Variants in NRG3 observed in about 807,000 individuals in gnomAD.
The protein encoded by NRG3 is neuregulin 3.
Under a neutral mutation model 66.9 loss-of-function variants are expected in NRG3, and 31 were observed. That is an observed-to-expected ratio of 0.46 (90% confidence interval 0.35 to 0.63). NRG3 has a LOEUF of 0.63. NRG3 is among the 20% of genes least tolerant of loss of function. The pLI is 0.00. For missense variants in NRG3, 910 were observed against 878.9 expected (o/e 1.04, Z -0.45); for synonymous variants, 393 against 359.4 (o/e 1.09, Z -1.06).
chr10:82,409,212 T>C (rs1229480542), intron 2 of NRG3, among the ~76,000 whole-genome samples: 1 of 152,190 alleles, frequency 6.6e-6, no homozygotes, highest in African/African-American at 2.4e-5. Flanking sequence ...CATTTCTGAA[T>C]TAGATAAGTC....
chr10:82,144,253 C>A (rs140294759), intron 1 of NRG3, among the ~76,000 whole-genome samples: 1 of 152,142 alleles, frequency 6.6e-6, no homozygotes, highest in Non-Finnish European at 1.5e-5. Context: ...GTATGTGAAA[C>A]AAGCATTCAT....
intron 2 of NRG3, among the ~76,000 whole-genome samples, chr10:82,701,694 A>G (rs1188122920): frequency 1.3e-5 from 2 of 152,112 alleles, no homozygotes; most frequent in East Asian, 1.9e-4. Flanking sequence ...CGTTAATGTT[A>G]TTTCTTTACA....
intron 3 of NRG3, among the ~76,000 whole-genome samples, chr10:82,762,176 T>C (rs985380753): frequency 6.6e-5 from 10 of 151,664 alleles, no homozygotes; most frequent in African/African-American, 1.9e-4. Context: ...TTTGCAGATA[T>C]GGGTTTTCAC....
chr10:81,900,178 A>G (rs1372323306), intron 1 of NRG3, among the ~76,000 whole-genome samples: 3 of 151,922 alleles, frequency 2.0e-5, no homozygotes, highest in African/African-American at 7.3e-5. Context: ...CCAACACCTG[A>G]CCTCAGGTGA....
At chr10:82,117,176 A>ATGT (rs2067779246) in intron 1 of NRG3, among the ~76,000 whole-genome samples, 1 of 152,130 alleles carries the variant, frequency 6.6e-6, no homozygotes, top group Non-Finnish European at 1.5e-5. Flanking sequence ...CCCCAGGCGG[A>ATGT]AATAGTTCCT....
intron 3 of NRG3, among the ~76,000 whole-genome samples, chr10:82,794,813 C>T (rs1242823284): frequency 2.6e-5 from 4 of 152,144 alleles, no homozygotes; most frequent in Non-Finnish European, 4.4e-5. Flanking sequence ...CATCGATCTA[C>T]ACTCTAACTC....
intron 2 of NRG3, among the ~76,000 whole-genome samples, chr10:82,532,008 TA>T (rs1280347402): frequency 1.3e-5 from 2 of 151,872 alleles, no homozygotes; most frequent in Non-Finnish European, 3.0e-5. Context: ...ATTCTTTTTT[TA>T]TGAATATATA....
At chr10:82,221,443 G>A (rs1044594554) in intron 1 of NRG3, among the ~76,000 whole-genome samples, 2 of 152,084 alleles carry the variant, frequency 1.3e-5, no homozygotes, top group African/African-American at 4.8e-5. Flanking sequence ...TGATCCTAGT[G>A]CCCAACTGGC....
At chr10:82,359,230 A>G (rs2083969372) in intron 2 of NRG3, among the ~76,000 whole-genome samples, 1 of 152,220 alleles carries the variant, frequency 6.6e-6, no homozygotes, top group African/African-American at 2.4e-5. Flanking sequence ...TTGAGAACCT[A>G]CAGACTGTGG....
At chr10:81,939,063 A>G (rs1021147771) in intron 1 of NRG3, among the ~76,000 whole-genome samples, 1 of 151,892 alleles carries the variant, frequency 6.6e-6, no homozygotes, top group Non-Finnish European at 1.5e-5. Context: ...TATCCCATTG[A>G]TTGATTTTTC....
chr10:82,776,605 T>C (rs1247443974), intron 3 of NRG3, among the ~76,000 whole-genome samples: 1 of 152,106 alleles, frequency 6.6e-6, no homozygotes, highest in African/African-American at 2.4e-5. Flanking sequence ...CCATAGACTT[T>C]CTTTTTCTTC....
At chr10:82,886,925 G>T (rs1371110967) in intron 4 of NRG3, among the ~76,000 whole-genome samples, 2 of 152,174 alleles carry the variant, frequency 1.3e-5, no homozygotes, top group Non-Finnish European at 2.9e-5. Context: ...CTTCAATGAG[G>T]ATTCCATACA....
chr10:82,498,848 C>T (rs923120649), intron 2 of NRG3, among the ~76,000 whole-genome samples: 6 of 151,940 alleles, frequency 3.9e-5, no homozygotes, highest in Non-Finnish European at 1.5e-5. Context: ...GAATTTTTTT[C>T]GGTAAAATCC....
chr10:82,692,477 G>A (rs2055014653), intron 2 of NRG3, among the ~76,000 whole-genome samples: 1 of 152,170 alleles, frequency 6.6e-6, no homozygotes, highest in African/African-American at 2.4e-5. Context: ...AATTAGGCAT[G>A]CAGACACATT....
intron 2 of NRG3, among the ~76,000 whole-genome samples, chr10:82,512,559 C>T (rs969351276): frequency 6.6e-6 from 1 of 152,128 alleles, no homozygotes; most frequent in East Asian, 1.9e-4. Flanking sequence ...TGGGCCACCG[C>T]GCCCTGCCAT....
intron 1 of NRG3, among the ~76,000 whole-genome samples, chr10:82,031,424 G>A (rs778329188): frequency 2.5e-4 from 38 of 152,174 alleles, no homozygotes; most frequent in Non-Finnish European, 4.4e-4. Context: ...CTTAGTTACT[G>A]CTAATAATTT....
At chr10:82,921,592 C>T (rs1285611349) in intron 4 of NRG3, among the ~76,000 whole-genome samples, 1 of 152,058 alleles carries the variant, frequency 6.6e-6, no homozygotes, top group Non-Finnish European at 1.5e-5. Context: ...TAAAACTATT[C>T]TAAAATAAAA....
In NRG3 at chr10:82,703,969, T is replaced by A. The variant is rs118110776; in HGVS notation, c.954-34608T>A. ...TTTTAATTTTTTTTAACTGCTATGATGTGCCACTTAAACGAATGCCAAGAC... is the reference window on the plus strand; with the variant it reads ...TTTTAATTTTTTTTAACTGCTATGAAGTGCCACTTAAACGAATGCCAAGAC... On this transcript the variant is annotated intron_variant, in intron 2 of 8. Transcript: ENST00000372141. Among the ~76,000 whole-genome samples the A allele has an allele frequency of 8.5e-5, 13 of 152,280 alleles. No individual in the cohort carries two copies. In the East Asian group the frequency reaches 2.5e-3, roughly 29 times the overall value.
intron 1 of NRG3, among the ~76,000 whole-genome samples, chr10:82,316,798 C>T (rs1002955761): frequency 4.6e-5 from 7 of 152,178 alleles, no homozygotes; most frequent in Non-Finnish European, 8.8e-5. Context: ...CTAGGCCGAG[C>T]TGTAGGTTCA....
Sources: gnomAD v4.1 joint callset for allele counts (sites outside exome capture counted in the v4.1 genomes callset) on GRCh38, gnomAD v4.1.1 for gene constraint, MANE v1.5 for transcripts, NCBI Gene and HGNC (gene_info 2026-07-23, HGNC 2026-07-21) for gene names.